SLC24A2: variants seen among roughly 807,000 people sequenced by gnomAD.
SLC24A2 encodes the protein solute carrier family 24 member 2, also known as sodium/potassium/calcium exchanger 2.
SLC24A2 carries 36 observed loss-of-function variants against 62.0 expected under a neutral mutation model. The observed-to-expected ratio is 0.58, with a 90% CI of 0.44 to 0.77. The LOEUF is 0.77. SLC24A2 is among the 30% of genes least tolerant of loss of function. The probability of loss-of-function intolerance (pLI) is 0.00; values close to 1 mark genes in which losing one functional copy is unlikely to be tolerated. For missense variants in SLC24A2, 846 were observed against 817.9 expected, an observed-to-expected ratio of 1.03 and a Z score of -0.42; for synonymous variants, 358 against 294.0, an observed-to-expected ratio of 1.22 and a Z score of -2.23.
rs762614384 is a variant in SLC24A2, at chr9:19,556,525, G to T, written c.1348-6257C>A. Reference sequence around the variant, plus strand: ...AATTCAAGTTCAGTTTTATTGACTGGTAATAACATCTCATCACCAGTTCAC... The same window carrying T: ...AATTCAAGTTCAGTTTTATTGACTGTTAATAACATCTCATCACCAGTTCAC... On this transcript the variant is annotated intron_variant, in intron 7 of 10. Coordinates refer to ENST00000341998, the MANE Select transcript of SLC24A2 (RefSeq NM_020344.4). 6.0e-4 allele frequency among the ~76,000 whole-genome samples: 92 copies of T among 152,204 alleles called. 1 individual carries two copies. Among genetic ancestry groups the T allele is most frequent in the Non-Finnish European group, 1.3e-3 (87 of 67,998 alleles).
chr9:20,194,082 T>G, the SLC24A2 span, among the ~76,000 whole-genome samples: 6 of 150,284 alleles, frequency 4.0e-5, no homozygotes, highest in South Asian at 2.1e-4. Context: ...TTGAGCTGGG[T>G]TTTTTTTTGG....
chr9:19,832,165 AAAGAG>A, the SLC24A2 span, among the ~76,000 whole-genome samples: 1 of 152,230 alleles, frequency 6.6e-6, no homozygotes, highest in African/African-American at 2.4e-5. Flanking sequence ...ATTGCCTCAG[AAAGAG>A]AAGAAATCCC....
At chr9:19,699,185 G>C (rs1247603908) in intron 2 of SLC24A2, among the ~76,000 whole-genome samples, 2 of 152,132 alleles carry the variant, frequency 1.3e-5, no homozygotes, top group African/African-American at 4.8e-5. Flanking sequence ...TCTGAGTACT[G>C]TGTTAGCATA....
At chr9:19,659,534 C>A (rs1349831075) in intron 2 of SLC24A2, among the ~76,000 whole-genome samples, 3 of 152,098 alleles carry the variant, frequency 2.0e-5, no homozygotes, top group South Asian at 2.1e-4. Flanking sequence ...AGGCTAGGAA[C>A]TGAATTCAGG....
At chr9:19,927,526 C>A in the SLC24A2 span, 1 of 152,176 alleles carries the variant, frequency 6.6e-6, no homozygotes. Flanking sequence ...TGAGGCAGAA[C>A]CTAGTTCTAA....
chr9:20,129,371 G>A, the SLC24A2 span, among the ~76,000 whole-genome samples: 2 of 152,236 alleles, frequency 1.3e-5, no homozygotes, highest in African/African-American at 2.4e-5. Context: ...AGCTGCTGCT[G>A]AAAACTGTTT....
the SLC24A2 span, among the ~76,000 whole-genome samples, chr9:20,264,573 T>C: frequency 6.6e-6 from 1 of 152,202 alleles, no homozygotes; most frequent in Non-Finnish European, 1.5e-5. Context: ...GTCCATCACT[T>C]ACTAACTATG....
the SLC24A2 span, among the ~76,000 whole-genome samples, chr9:20,275,701 T>C: frequency 6.6e-6 from 1 of 152,242 alleles, no homozygotes; most frequent in Admixed American, 6.5e-5. Flanking sequence ...TCCTCCATTT[T>C]CATATGGCTA....
chr9:19,684,256 G>A (rs914677480), intron 2 of SLC24A2, among the ~76,000 whole-genome samples: 15 of 152,066 alleles, frequency 9.9e-5, no homozygotes, highest in Non-Finnish European at 2.1e-4. Flanking sequence ...TTCTAAAAGA[G>A]GCAAGAATCC....
the SLC24A2 span, among the ~76,000 whole-genome samples, chr9:20,188,912 T>C: frequency 1.3e-5 from 2 of 152,174 alleles, no homozygotes; most frequent in Non-Finnish European, 2.9e-5. Context: ...TTTGTAGTAA[T>C]TTGTTACAGC....
chr9:19,778,376 C>T (rs1275253706), intron 2 of SLC24A2, among the ~76,000 whole-genome samples: 1 of 151,976 alleles, frequency 6.6e-6, no homozygotes, highest in East Asian at 1.9e-4. Context: ...AAACATGAGG[C>T]CTGATAGCGG....
At chr9:20,237,081 C>A in the SLC24A2 span, among the ~76,000 whole-genome samples, 5 of 152,144 alleles carry the variant, frequency 3.3e-5, no homozygotes, top group Admixed American at 3.3e-4. Flanking sequence ...AGCATCTAAT[C>A]TGGGGGCTCA....
chr9:19,990,630 C>CA, the SLC24A2 span, among the ~76,000 whole-genome samples: 1 of 116,530 alleles, frequency 8.6e-6, no homozygotes, highest in Non-Finnish European at 1.8e-5. Context: ...AAAAAAAAAA[C>CA]AAAACAAAAA....
At chr9:19,679,407 G>C (rs1371347273) in intron 2 of SLC24A2, among the ~76,000 whole-genome samples, 1 of 152,136 alleles carries the variant, frequency 6.6e-6, no homozygotes, top group Admixed American at 6.6e-5. Flanking sequence ...GTACTGGGGA[G>C]GCTGGACAAT....
At chr9:19,707,067 A>G (rs1344294386) in intron 2 of SLC24A2, among the ~76,000 whole-genome samples, 3 of 151,960 alleles carry the variant, frequency 2.0e-5, no homozygotes, top group African/African-American at 7.3e-5. Flanking sequence ...AAAATGACAA[A>G]GGGGATATCA....
chr9:19,549,317 T>C (rs557499418), intron 8 of SLC24A2, among the ~76,000 whole-genome samples: 1 of 152,302 alleles, frequency 6.6e-6, no homozygotes, highest in East Asian at 1.9e-4. Flanking sequence ...TTGACACTCT[T>C]CCCAACAGGA....
the SLC24A2 span, among the ~76,000 whole-genome samples, chr9:20,122,400 T>G: frequency 6.6e-6 from 1 of 152,156 alleles, no homozygotes; most frequent in Non-Finnish European, 1.5e-5. Flanking sequence ...AAACATTACT[T>G]TTTAGGCAGG....
At chr9:19,743,517 G>T (rs1463287900) in intron 2 of SLC24A2, among the ~76,000 whole-genome samples, 1 of 152,156 alleles carries the variant, frequency 6.6e-6, no homozygotes, top group African/African-American at 2.4e-5. Context: ...TGGGTGTGCT[G>T]TCGGGGCTGG....
At chr9:20,147,705 C>G in the SLC24A2 span, among the ~76,000 whole-genome samples, 1 of 151,884 alleles carries the variant, frequency 6.6e-6, no homozygotes, top group East Asian at 2.0e-4. Context: ...AATAAACTCA[C>G]AAATTTCAGA....
Sources: allele counts gnomAD v4.1 joint callset (sites outside exome capture counted in the v4.1 genomes callset), GRCh38; gene constraint gnomAD v4.1.1; transcripts MANE v1.5; gene names NCBI Gene and HGNC (gene_info 2026-07-23, HGNC 2026-07-21).